SLC18A1: variants seen among roughly 807,000 people sequenced by gnomAD.
SLC18A1 encodes the protein chromaffin granule amine transporter.
A neutral mutation model predicts 53.7 loss-of-function variants in SLC18A1; 69 were observed. That is an observed-to-expected ratio of 1.28 (90% CI 1.06 to 1.57). SLC18A1 has a LOEUF of 1.57. SLC18A1 is among the 40% of genes most tolerant of loss of function. SLC18A1 has a pLI of 0.00. For synonymous variants in SLC18A1, 320 were observed against 248.1 expected, an observed-to-expected ratio of 1.29 and a Z score of -2.72; for missense variants, 932 against 668.1, an observed-to-expected ratio of 1.40 and a Z score of -4.35.
At chr8:20,153,568 C>T (rs2071612709) in intron 10 of SLC18A1, among the ~76,000 whole-genome samples, 1 of 152,066 alleles carries the variant, frequency 6.6e-6, no homozygotes, top group African/African-American at 2.4e-5. Flanking sequence ...GTCCCAGCTA[C>T]TCAGGAGGCT....
chr8:20,147,165 G>T, intron 15 of SLC18A1, 93 bp downstream of exon 15: 1 of 1,355,456 alleles, frequency 7.4e-7, no homozygotes, highest in Non-Finnish European at 1.0e-6. Flanking sequence ...GAGCAATAGA[G>T]GGAGGAAATA....
intron 4 of SLC18A1, among the ~76,000 whole-genome samples, chr8:20,176,775 C>T (rs2072263566): frequency 6.6e-6 from 1 of 152,126 alleles, no homozygotes; most frequent in South Asian, 2.1e-4. Flanking sequence ...AATTATTTAA[C>T]ATATATAGTT....
At chr8:20,169,674 T>A (rs2072060964) in intron 8 of SLC18A1, among the ~76,000 whole-genome samples, 2 of 151,748 alleles carry the variant, frequency 1.3e-5, no homozygotes, top group African/African-American at 2.4e-5. Context: ...AGCTCAGGAG[T>A]TCGAGACCAG....
rs182437297 is a variant in SLC18A1, at chr8:20,179,524, G to A, written c.125-40C>T. On this transcript the variant is annotated intron_variant, in intron 2 of 15. Transcript: ENST00000276373. ...GGACAGGTGATGGGGGCTAAGGACC[G>A]ATGTCATCTTACCACTGAAACTCAA... 1.5e-5 allele frequency: 23 copies of A among 1,569,752 alleles called. No individual in the cohort carries two copies. The East Asian group carries it at 1.8e-4, about 12-fold the overall frequency.
At chr8:20,172,662 A>G (rs2128877934) in intron 6 of SLC18A1, among the ~76,000 whole-genome samples, 1 of 152,216 alleles carries the variant, frequency 6.6e-6, no homozygotes, top group South Asian at 2.1e-4. Context: ...TATAATGGGG[A>G]AAATCATTCC....
At chr8:20,177,320 C>A (rs2072276481) in intron 4 of SLC18A1, among the ~76,000 whole-genome samples, 1 of 152,114 alleles carries the variant, frequency 6.6e-6, no homozygotes, top group African/African-American at 2.4e-5. Flanking sequence ...TGCTAGGAAT[C>A]AAGTTCTGTG....
intron 4 of SLC18A1, among the ~76,000 whole-genome samples, chr8:20,176,657 G>C (rs1224482484): frequency 6.6e-6 from 1 of 152,074 alleles, no homozygotes; most frequent in African/African-American, 2.4e-5. Context: ...TCTCTTTTAA[G>C]TATTTTTTAG....
chr8:20,169,324 C>T (rs1335924710), intron 8 of SLC18A1, among the ~76,000 whole-genome samples: 2 of 151,852 alleles, frequency 1.3e-5, no homozygotes, highest in Admixed American at 1.3e-4. Flanking sequence ...CTGGGCTTTG[C>T]ATTAGAGAAA....
rs371193123 is a variant in SLC18A1, at chr8:20,161,850, C to T, written c.1015+3019G>A. 9.9e-5 allele frequency among the ~76,000 whole-genome samples: 15 copies of T among 152,266 alleles called. No homozygotes were observed. The South Asian group carries it at 1.9e-3, about 19-fold the overall frequency. On this transcript the variant is annotated intron_variant, in intron 10 of 15. Coordinates refer to ENST00000276373, the MANE Select transcript of SLC18A1 (RefSeq NM_003053.4). ...GGCAGCCCCATGTCTGTGGTCTTTC[C>T]GGGCTGAGTCTACCCAGCAGCAATC...
rs1205385469 is a variant in SLC18A1, at chr8:20,149,614, C to CTG, written c.1146+61_1146+62insCA. ...CCTCTCTCTCTCTCTCTCTCTCTCTCTCTGTCTGTCTGTCTCTCGCTCTCT... is the reference window on the plus strand; with the variant it reads ...CCTCTCTCTCTCTCTCTCTCTCTCTCTGTCTGTCTGTCTGTCTCTCGCTCTCT... On this transcript the variant is annotated intron_variant, in intron 12 of 15. Transcript: ENST00000276373. 2.8e-4 allele frequency: 333 copies of CTG among 1,200,822 alleles called. 1 individual carries two copies. In the African/African-American group the frequency reaches 4.7e-3, roughly 17 times the overall value. The allele number at this position is 1,200,822 out of a possible 1,614,324, so 74.4% of individuals were successfully genotyped here. A position where few individuals can be genotyped will look rare whatever the true frequency, so the allele number is the denominator to read the frequency against.
chr8:20,151,847 G>C (rs1204143326), intron 10 of SLC18A1, among the ~76,000 whole-genome samples: 1 of 152,112 alleles, frequency 6.6e-6, no homozygotes, highest in African/African-American at 2.4e-5. Context: ...CCATGTGTCA[G>C]GTATTCTGGG....
rs775476899 is a variant in SLC18A1, at chr8:20,165,101, T to C, written c.865A>G (p.Lys289Glu). Residue 289 changes from lysine (K) to glutamate (E), a missense_variant, in exon 9 of 16, where the codon AAG becomes GAG. By Grantham distance (56) the Lys-to-Glu change is moderately conservative. Coordinates refer to ENST00000276373, the MANE Select transcript of SLC18A1 (RefSeq NM_003053.4). ...QPSKVSPESA[K>E]GTPLFMLLKD... Reference sequence around the variant, plus strand: ...AGAAGCATAAAGAGGGGAGTCCCCTTGGCACTCTGAGAACATGGATAACAA... The same window carrying C: ...AGAAGCATAAAGAGGGGAGTCCCCTCGGCACTCTGAGAACATGGATAACAA... 2.5e-6 allele frequency: 4 copies of C among 1,614,042 alleles called. No homozygotes were observed. The highest frequency in any genetic ancestry group is 1.7e-5 in the Admixed American group (1 of 60,020).
chr8:20,179,079 T>G, intron 3 of SLC18A1, 42 bp downstream of exon 3: 1 of 1,562,592 alleles, frequency 6.4e-7, no homozygotes, highest in Non-Finnish European at 8.7e-7. Context: ...CTAGTCCTCC[T>G]ACTCCTGTGT....
Position 20,179,463 on chromosome 8 carries a change from A to G in SLC18A1, c.146T>C (p.Leu49Pro). The G allele has an allele frequency of 6.2e-7, 1 of 1,612,054 alleles. No individual in the cohort carries two copies. Among genetic ancestry groups the G allele is most frequent in the South Asian group, 1.1e-5 (1 of 90,974 alleles). Residue 49 changes from leucine to proline, a missense_variant, in exon 3 of 16, where the codon CTA becomes CCA. Coordinates refer to ENST00000276373, the MANE Select transcript of SLC18A1 (RefSeq NM_003053.4). ...TVVVPIVPTFLYDMEFKEVNS... is the reference protein window; with the variant it reads ...TVVVPIVPTFPYDMEFKEVNS... ...GACTTCTTTGAACTCCATGTCATAT[A>G]GGAAGGTGGGCACAATTGGCACTGA...
Position 20,152,335 on chromosome 8 carries a change from C to G in SLC18A1, c.1016-1591G>C, listed in dbSNP as rs537107093. On this transcript the variant is annotated intron_variant, in intron 10 of 15. Coordinates refer to ENST00000276373, the MANE Select transcript of SLC18A1 (RefSeq NM_003053.4). Reference sequence around the variant, plus strand: ...TAATTGGATTTATATTTTCTAAAATCCCCTAGAAGAATGGGTTCATGGGAC... The same window carrying G: ...TAATTGGATTTATATTTTCTAAAATGCCCTAGAAGAATGGGTTCATGGGAC... Among the ~76,000 whole-genome samples, 5 of 152,262 alleles carry G rather than the reference C, an allele frequency of 3.3e-5. No individual in the cohort carries two copies. The South Asian group carries it at 1.0e-3, about 32-fold the overall frequency.
In SLC18A1 at chr8:20,166,306, TATATATATATATATATATATATATAC is replaced by T. The variant is rs1212283428; in HGVS notation, c.859-1225_859-1200del. ...GTGTGTGTCTATATATATATATATA[TATATATATATATATATATATATATAC>T]ACCACCAGGTGGAAAATAATAAGGA... On this transcript the variant is annotated intron_variant, in intron 8 of 15. Coordinates refer to ENST00000276373, the MANE Select transcript of SLC18A1 (RefSeq NM_003053.4). Among the ~76,000 whole-genome samples the T allele has an allele frequency of 2.2e-4, 22 of 98,670 alleles. 1 individual carries two copies. The highest frequency in any genetic ancestry group is 1.2e-3 in the East Asian group (3 of 2,548). 64.7% of individuals were successfully genotyped at this position (98,670 alleles called of 152,430 possible).
At chr8:20,168,378 TAAAC>T (rs1360134698) in intron 8 of SLC18A1, among the ~76,000 whole-genome samples, 1 of 150,256 alleles carries the variant, frequency 6.7e-6, no homozygotes, top group African/African-American at 2.4e-5. Flanking sequence ...AAAAAAAAAT[TAAAC>T]AAGTAAATAG....
rs547669816 is a variant in SLC18A1, at chr8:20,146,567, A to G, written c.1464+691T>C. 2.6e-5 allele frequency among the ~76,000 whole-genome samples: 4 copies of G among 152,268 alleles called. No individual in the cohort carries two copies. The East Asian group carries it at 7.7e-4, about 29-fold the overall frequency. Reference sequence around the variant, plus strand: ...TGCAGTAAGAGGAAAGTGCTTTATTAAAGAAAATCCTATGGTATGGATCTC... The same window carrying G: ...TGCAGTAAGAGGAAAGTGCTTTATTGAAGAAAATCCTATGGTATGGATCTC... On this transcript the variant is annotated intron_variant, in intron 15 of 15. Coordinates refer to ENST00000276373, the MANE Select transcript of SLC18A1 (RefSeq NM_003053.4).
intron 4 of SLC18A1, among the ~76,000 whole-genome samples, chr8:20,176,343 C>T (rs932742249): frequency 6.6e-5 from 10 of 152,240 alleles, no homozygotes; most frequent in East Asian, 1.9e-4. Context: ...CCCTGAGGCC[C>T]GCACCAGAAG....
Sources: gnomAD v4.1 joint callset for allele counts (sites outside exome capture counted in the v4.1 genomes callset) on GRCh38, gnomAD v4.1.1 for gene constraint, MANE v1.5 for transcripts, NCBI Gene and HGNC (gene_info 2026-07-23, HGNC 2026-07-21) for gene names.